The following XRCC4 variants were observed in gnomAD, a reference collection of about 807,000 sequenced individuals.
The protein encoded by XRCC4 is X-ray repair cross complementing 4.
In XRCC4, 28 loss-of-function variants were observed where a neutral mutation model predicts 39.1. That is an observed-to-expected ratio of 0.72 (90% CI 0.53 to 0.98). XRCC4 has a LOEUF of 0.98. Among genes scored for constraint, XRCC4 ranks in the 50% least tolerant of loss-of-function variants. XRCC4 has a pLI of 0.00. For missense variants in XRCC4, 350 were observed against 376.4 expected (o/e 0.93, Z 0.58); for synonymous variants, 123 against 126.4 (o/e 0.97, Z 0.18).
chr5:83,159,324 G>A (rs919659168), intron 3 of XRCC4, among the ~76,000 whole-genome samples: 5 of 152,088 alleles, frequency 3.3e-5, no homozygotes, highest in Non-Finnish European at 5.9e-5. Context: ...ATTGAGATGG[G>A]GTTGATGGAG....
At chr5:83,114,143 G>C (rs1413554056) in intron 3 of XRCC4, among the ~76,000 whole-genome samples, 1 of 133,520 alleles carries the variant, frequency 7.5e-6, no homozygotes, top group Non-Finnish European at 1.6e-5. Context: ...CGCTGCAATG[G>C]GGGCCTGGAC....
At chr5:83,304,736 C>T (rs942229488) in intron 7 of XRCC4, among the ~76,000 whole-genome samples, 1 of 144,368 alleles carries the variant, frequency 6.9e-6, no homozygotes, top group Non-Finnish European at 1.6e-5. Context: ...TTGATTTTTT[C>T]ATAAGTTTAA....
intron 6 of XRCC4, among the ~76,000 whole-genome samples, chr5:83,252,354 A>G (rs898361508): frequency 6.6e-6 from 1 of 152,214 alleles, no homozygotes; most frequent in Non-Finnish European, 1.5e-5. Flanking sequence ...TAAATAAATA[A>G]AACAGCCAAA....
chr5:83,181,918 A>G (rs1351132067), intron 3 of XRCC4, among the ~76,000 whole-genome samples: 2 of 152,150 alleles, frequency 1.3e-5, no homozygotes, highest in Non-Finnish European at 2.9e-5. Flanking sequence ...GTTGCTGCCT[A>G]TCGATATCTT....
At chr5:83,110,340 A>G (rs1746384589) in intron 2 of XRCC4, among the ~76,000 whole-genome samples, 1 of 152,068 alleles carries the variant, frequency 6.6e-6, no homozygotes, top group South Asian at 2.1e-4. Context: ...TAAGAACAGG[A>G]TATAATGACA....
At chr5:83,313,655 C>T (rs754904522) in intron 7 of XRCC4, among the ~76,000 whole-genome samples, 1 of 152,184 alleles carries the variant, frequency 6.6e-6, no homozygotes, top group African/African-American at 2.4e-5. Context: ...TTGTCTAACA[C>T]ATCAGCTGTA....
downstream of XRCC4, among the ~76,000 whole-genome samples, chr5:83,358,113 C>T (rs553286656): frequency 4.6e-5 from 7 of 151,310 alleles, no homozygotes; most frequent in Admixed American, 2.0e-4. Context: ...TTCTAATAAA[C>T]GCTTTTCGGG....
chr5:83,347,907 T>C (rs1017487321), intron 7 of XRCC4, among the ~76,000 whole-genome samples: 3 of 152,120 alleles, frequency 2.0e-5, no homozygotes, highest in South Asian at 2.1e-4. Context: ...CTATTCTAAG[T>C]GAGAGAAATT....
chr5:83,286,943 G>A (rs1754755196), intron 7 of XRCC4, among the ~76,000 whole-genome samples: 1 of 152,056 alleles, frequency 6.6e-6, no homozygotes, highest in Non-Finnish European at 1.5e-5. Context: ...GACGGTATCT[G>A]GTGACCTTTT....
chr5:83,320,804 CTT>C (rs1265512231), intron 7 of XRCC4, among the ~76,000 whole-genome samples: 103 of 143,202 alleles, frequency 7.2e-4, no homozygotes, highest in African/African-American at 2.5e-3. Context: ...AAGTTATGTA[CTT>C]CTTTTTTTTT....
chr5:83,366,434 C>A, the XRCC4 span, among the ~76,000 whole-genome samples: 1 of 152,158 alleles, frequency 6.6e-6, no homozygotes, highest in Non-Finnish European at 1.5e-5. Flanking sequence ...TCAACTTGAG[C>A]TAAAACAAGT....
intron 6 of XRCC4, among the ~76,000 whole-genome samples, chr5:83,247,628 T>G (rs1753157628): frequency 6.6e-6 from 1 of 152,174 alleles, no homozygotes; most frequent in Non-Finnish European, 1.5e-5. Context: ...TACTAGCAAG[T>G]TGAAGCTTTC....
At chr5:83,190,854 A>G (rs1206024580) in intron 3 of XRCC4, among the ~76,000 whole-genome samples, 1 of 152,220 alleles carries the variant, frequency 6.6e-6, no homozygotes, top group East Asian at 1.9e-4. Context: ...GATAGCATTA[A>G]GTGCTATTAA....
At chr5:83,258,973 G>A (rs1753656314) in intron 7 of XRCC4, 2 of 291,202 alleles carry the variant, frequency 6.9e-6, no homozygotes, top group Non-Finnish European at 6.5e-6. Context: ...CTAGTGTTCA[G>A]TAAAGTGTTT....
chr5:83,176,647 A>G (rs1457406819), intron 3 of XRCC4, among the ~76,000 whole-genome samples: 2 of 147,330 alleles, frequency 1.4e-5, no homozygotes, highest in Admixed American at 1.3e-4. Context: ...TTTTTTGACA[A>G]GGTCTCACTC....
intron 7 of XRCC4, among the ~76,000 whole-genome samples, chr5:83,328,613 T>A (rs1756341364): frequency 1.3e-5 from 2 of 152,132 alleles, no homozygotes; most frequent in Non-Finnish European, 2.9e-5. Flanking sequence ...TTCACTTATT[T>A]GTCATCAAAA....
At chr5:83,228,748 A>C (rs1441290231) in intron 6 of XRCC4, among the ~76,000 whole-genome samples, 5 of 152,100 alleles carry the variant, frequency 3.3e-5, no homozygotes, top group Non-Finnish European at 7.4e-5. Context: ...ACTTAGGTAG[A>C]GTGTACCGGA....
At chr5:83,342,840 A>C (rs1465928854) in intron 7 of XRCC4, among the ~76,000 whole-genome samples, 1 of 152,158 alleles carries the variant, frequency 6.6e-6, no homozygotes, top group Non-Finnish European at 1.5e-5. Flanking sequence ...ATACAGTGGT[A>C]ACTTTGGTGA....
At chr5:83,229,477 CG>C (rs943967771) in intron 6 of XRCC4, among the ~76,000 whole-genome samples, 7 of 151,308 alleles carry the variant, frequency 4.6e-5, no homozygotes, top group African/African-American at 1.7e-4. Context: ...AGACCAATGA[CG>C]GGTTGTGAAG....
Sources: allele counts gnomAD v4.1 joint callset (sites outside exome capture counted in the v4.1 genomes callset), GRCh38; gene constraint gnomAD v4.1.1; transcripts MANE v1.5; gene names NCBI Gene and HGNC (gene_info 2026-07-23, HGNC 2026-07-21).